Variants in TRDMT1 observed in about 807,000 individuals in gnomAD.
The protein encoded by TRDMT1 is tRNA aspartic acid methyltransferase 1, also known as tRNA (cytosine(38)-C(5))-methyltransferase.
A neutral mutation model predicts 51.2 loss-of-function variants in TRDMT1; 49 were observed. The observed-to-expected ratio is 0.96, with a 90% CI of 0.76 to 1.21. The LOEUF (loss-of-function observed/expected upper bound fraction) is 1.21, where lower values mean the gene tolerates loss of function less well. Among genes scored for constraint, TRDMT1 ranks in the 50% most tolerant of loss-of-function variants. The pLI, the probability that TRDMT1 is intolerant of heterozygous loss-of-function variation, is 0.00. For synonymous variants in TRDMT1, 187 were observed against 164.6 expected, an observed-to-expected ratio of 1.14 and a Z score of -1.04; for missense variants, 534 against 462.3, an observed-to-expected ratio of 1.16 and a Z score of -1.42.
At chr10:17,169,575 T>C (rs1442261004) in intron 2 of TRDMT1, 1 of 1,274,300 alleles carries the variant, frequency 7.8e-7, no homozygotes, top group South Asian at 1.2e-5. Flanking sequence ...GAAGCACACG[T>C]CAGGGGTTTG....
At chr10:17,165,422 G>T (rs1309963563) in intron 3 of TRDMT1, among the ~76,000 whole-genome samples, 2 of 152,154 alleles carry the variant, frequency 1.3e-5, no homozygotes, top group Non-Finnish European at 2.9e-5. Context: ...AACCCTAGAA[G>T]AAAACCTAGG....
In TRDMT1 at chr10:17,179,785, C is replaced by T. The variant is rs866087148; in HGVS notation, c.65-5125G>A. Among the ~76,000 whole-genome samples, 15 of 147,222 alleles carry T rather than the reference C, an allele frequency of 1.0e-4. No individual in the cohort carries two copies. In the Middle Eastern group the frequency reaches 0.011, roughly 107 times the overall value. The stretch of plus-strand genomic sequence containing the variant: ...AAAAAAAAAAAAGGAAAAACAGAAA[C>T]GGGCTAAAATTTAATCCCAAGAGAC... On this transcript the variant is annotated intron_variant, in intron 1 of 10. Coordinates refer to ENST00000377799, the MANE Select transcript of TRDMT1 (RefSeq NM_004412.7).
intron 3 of TRDMT1, among the ~76,000 whole-genome samples, chr10:17,165,435 A>T (rs1427332351): frequency 6.6e-6 from 1 of 151,668 alleles, no homozygotes; most frequent in Non-Finnish European, 1.5e-5. Flanking sequence ...AACCTAGGCA[A>T]TACCATTCAG....
chr10:17,175,218 T>C (rs1292143053), intron 1 of TRDMT1, among the ~76,000 whole-genome samples: 1 of 152,194 alleles, frequency 6.6e-6, no homozygotes, highest in Non-Finnish European at 1.5e-5. Context: ...GAACAATTAA[T>C]TGGTATCCAA....
At chr10:17,191,523 G>A (rs73606351) in intron 1 of TRDMT1, among the ~76,000 whole-genome samples, 3,701 of 152,220 alleles carry the variant, frequency 0.024, 160 homozygotes, top group African/African-American at 0.081. Context: ...TTAGCACGTC[G>A]GTCAATGCTT....
chr10:17,184,300 T>C lies in TRDMT1; in HGVS notation c.65-9640A>G, dbSNP rs996452202. Among the ~76,000 whole-genome samples the C allele has an allele frequency of 2.6e-5, 4 of 152,062 alleles. No homozygotes were observed. In the East Asian group the frequency reaches 5.8e-4, roughly 22 times the overall value. ...TTTACTGATGCTTTCTCATAACTTA[T>C]GAGGTGATCATTTCTGACATATTTA... On this transcript the variant is annotated intron_variant, in intron 1 of 10. Coordinates refer to ENST00000377799, the MANE Select transcript of TRDMT1 (RefSeq NM_004412.7).
chr10:17,142,312 G>A lies in TRDMT1; in HGVS notation c.*6728C>T, dbSNP rs1258048558. 1 of 152,124 alleles carries A rather than the reference G, an allele frequency of 6.6e-6. No homozygotes were observed. Among genetic ancestry groups the A allele is most frequent in the African/African-American group, 2.4e-5 (1 of 41,416 alleles). The allele number at this position is 152,124 out of a possible 1,614,324, so 9.4% of individuals were successfully genotyped here. A position where few individuals can be genotyped will look rare whatever the true frequency, so the allele number is the denominator to read the frequency against. ...CATTTGTGTTTAGCATGCAAGCCCT[G>A]GCTTAGTTTTTGTGGGCTATGAGTC... On this transcript the variant is annotated 3_prime_UTR_variant, in exon 11 of 11. Coordinates refer to ENST00000377799, the MANE Select transcript of TRDMT1 (RefSeq NM_004412.7).
In TRDMT1 at chr10:17,151,468, A is replaced by C. The variant is rs376422725; in HGVS notation, c.1075+2039T>G. 3.2e-4 allele frequency: 311 copies of C among 972,766 alleles called. 1 individual carries two copies. In the African/African-American group the frequency reaches 5.1e-3, roughly 16 times the overall value. 60.3% of individuals were successfully genotyped at this position (972,766 alleles called of 1,614,324 possible). The stretch of plus-strand genomic sequence containing the variant: ...GATCCATCATTGCCAGTAGACAAAC[A>C]GCTCAAACAATGCCCATTTTTGGAC... On this transcript the variant is annotated intron_variant, in intron 10 of 10. Transcript: ENST00000377799.
Position 17,174,684 on chromosome 10 carries a change from TGAAAA to T in TRDMT1, c.65-29_65-25del, listed in dbSNP as rs1432024537. The T allele has an allele frequency of 3.0e-5, 46 of 1,556,848 alleles. No individual in the cohort carries two copies. In the East Asian group the frequency reaches 9.9e-4, roughly 33 times the overall value. ...TTCTGTAATGATAAATGGAGTATCT[TGAAAA>T]GAAAAGTCCTTAAGTTCATTATAGA... On this transcript the variant is annotated intron_variant, in intron 1 of 10. Coordinates refer to ENST00000377799, the MANE Select transcript of TRDMT1 (RefSeq NM_004412.7).
chr10:17,152,233 G>C, intron 10 of TRDMT1: 1 of 515,992 alleles, frequency 1.9e-6, no homozygotes, highest in Non-Finnish European at 2.9e-6. Flanking sequence ...AGGAAAGTTT[G>C]TGTTTTTCTT....
chr10:17,200,482 TTA>T lies in TRDMT1; in HGVS notation c.64+1087_64+1088del, dbSNP rs1846002822. 1.8e-5 allele frequency: 3 copies of T among 168,040 alleles called. No homozygotes were observed. The South Asian group carries it at 6.2e-4, about 35-fold the overall frequency. 10.4% of individuals were successfully genotyped at this position (168,040 alleles called of 1,614,324 possible). A position where few individuals can be genotyped will look rare whatever the true frequency, so the allele number is the denominator to read the frequency against. On this transcript the variant is annotated intron_variant, in intron 1 of 10. Coordinates refer to ENST00000377799, the MANE Select transcript of TRDMT1 (RefSeq NM_004412.7). ...AACTCAATAAATCTGCTCAAAAAACTTATACGCTAAACCCATTAAATATTGTC... is the reference window on the plus strand; with the variant it reads ...AACTCAATAAATCTGCTCAAAAAACTTACGCTAAACCCATTAAATATTGTC...
In TRDMT1 at chr10:17,145,599, G is replaced by A. The variant is rs12354706; in HGVS notation, c.*3441C>T. 0.15 allele frequency: 146,673 copies of A among 985,266 alleles called. 11,079 individuals are homozygous for A. Among genetic ancestry groups the A allele is most frequent in the Admixed American group, 0.17 (2,795 of 16,278 alleles). The allele number at this position is 985,266 out of a possible 1,614,324, so 61.0% of individuals were successfully genotyped here. On this transcript the variant is annotated 3_prime_UTR_variant, in exon 11 of 11. Coordinates refer to ENST00000377799, the MANE Select transcript of TRDMT1 (RefSeq NM_004412.7). Reference sequence around the variant, plus strand: ...AAACAGTTAGAATCCCAAGCCGAAGGCCAAATTATGACAAGGTAACCTGTT... The same window carrying A: ...AAACAGTTAGAATCCCAAGCCGAAGACCAAATTATGACAAGGTAACCTGTT...
chr10:17,157,338 C>A, intron 8 of TRDMT1, 103 bp downstream of exon 8: 1 of 1,170,464 alleles, frequency 8.5e-7, no homozygotes, highest in South Asian at 1.7e-5. Flanking sequence ...CTAGCAAAAA[C>A]ATTTTATAAA....
intron 5 of TRDMT1, 29 bp from the exon 6 acceptor site, chr10:17,160,403 CT>C: frequency 7.3e-7 from 1 of 1,375,916 alleles, no homozygotes. Flanking sequence ...AACTTTAATT[CT>C]TACTTGGAAA....
At position 17,144,084 on chromosome 10, in the gene TRDMT1, G is replaced by T; in HGVS notation, c.*4956C>A. 2.0e-6 allele frequency: 2 copies of T among 985,360 alleles called. No homozygotes were observed. Among genetic ancestry groups the T allele is most frequent in the Non-Finnish European group, 2.4e-6 (2 of 829,932 alleles). The allele number at this position is 985,360 out of a possible 1,614,324, so 61.0% of individuals were successfully genotyped here. On this transcript the variant is annotated 3_prime_UTR_variant, in exon 11 of 11. Transcript: ENST00000377799. ...AGGGTGAGAATCTCTAAGAAAAATG[G>T]CATGAAAAGTGAAGGGTAGAAAGAG... is the stretch of plus-strand genomic sequence containing the variant.
intron 8 of TRDMT1, among the ~76,000 whole-genome samples, chr10:17,155,309 T>A (rs905674294): frequency 1.3e-5 from 2 of 152,234 alleles, no homozygotes; most frequent in Non-Finnish European, 2.9e-5. Context: ...ATATAAATTG[T>A]CATTTCTTTT....
Position 17,145,400 on chromosome 10 carries a change from GA to G in TRDMT1, c.*3639del. On this transcript the variant is annotated 3_prime_UTR_variant, in exon 11 of 11. Transcript: ENST00000377799. ...TATGATAGTTGTATATAGCACATTT[GA>G]ATGGTAGATGGAAGAGATTAACTAG... is the stretch of plus-strand genomic sequence containing the variant. 1 of 985,394 alleles carries G rather than the reference GA, an allele frequency of 1.0e-6. No individual in the cohort carries two copies. Among genetic ancestry groups the G allele is most frequent in the South Asian group, 4.7e-5 (1 of 21,288 alleles). 61.0% of individuals were successfully genotyped at this position (985,394 alleles called of 1,614,324 possible).
At chr10:17,164,893 T>C (rs1241795737) in intron 3 of TRDMT1, among the ~76,000 whole-genome samples, 1 of 152,160 alleles carries the variant, frequency 6.6e-6, no homozygotes, top group Non-Finnish European at 1.5e-5. Context: ...TGGAAGAACA[T>C]TCCATGCTCA....
Position 17,146,978 on chromosome 10 carries a change from T to C in TRDMT1, c.*2062A>G. The C allele has an allele frequency of 1.0e-6, 1 of 985,448 alleles. No homozygotes were observed. The highest frequency in any genetic ancestry group is 5.2e-4 in the Middle Eastern group (1 of 1,914). 61.0% of individuals were successfully genotyped at this position (985,448 alleles called of 1,614,324 possible). A position where few individuals can be genotyped will look rare whatever the true frequency, so the allele number is the denominator to read the frequency against. ...CTTCCTGTGAATACATTCCCATAATTTAAGAATTCCACTAAGCTACATTCT... is the reference window on the plus strand; with the variant it reads ...CTTCCTGTGAATACATTCCCATAATCTAAGAATTCCACTAAGCTACATTCT... On this transcript the variant is annotated 3_prime_UTR_variant, in exon 11 of 11. Coordinates refer to ENST00000377799, the MANE Select transcript of TRDMT1 (RefSeq NM_004412.7).
Sources: allele counts gnomAD v4.1 joint callset (sites outside exome capture counted in the v4.1 genomes callset), GRCh38; gene constraint gnomAD v4.1.1; transcripts MANE v1.5; gene names NCBI Gene and HGNC (gene_info 2026-07-23, HGNC 2026-07-21).